Variants in STAB1 observed in about 807,000 individuals in gnomAD.
STAB1 encodes stabilin-1.
A neutral mutation model predicts 332.4 loss-of-function variants in STAB1; 250 were observed. The ratio of observed to expected loss-of-function variants is 0.75; its 90% CI spans 0.68 to 0.84. The LOEUF is 0.84. Ranked by LOEUF, STAB1 falls within the 40% of genes least tolerant of loss-of-function variation. The pLI, the probability that STAB1 is intolerant of heterozygous loss-of-function variation, is 0.00. For synonymous variants in STAB1, 1,475 were observed against 1,390.4 expected (o/e 1.06, Z -1.35); for missense variants, 3,249 against 3,489.7 (o/e 0.93, Z 1.74).
rs1297200660 is a variant in STAB1, at chr3:52,509,201, A to G, written c.2236-9A>G. The G allele has an allele frequency of 6.2e-7, 1 of 1,612,002 alleles. No homozygotes were observed. Among genetic ancestry groups the G allele is most frequent in the Admixed American group, 1.7e-5 (1 of 59,832 alleles). ...CCATGACTGATCCTGCCTTCTGCTC[A>G]CTCTCTAGTGCAGTGATGGGATCCA... On this transcript the variant is annotated splice_polypyrimidine_tract_variant and intron_variant, in intron 21 of 68. Coordinates refer to ENST00000321725, the MANE Select transcript of STAB1 (RefSeq NM_015136.3).
rs1425444540 is a variant in STAB1, at chr3:52,512,919, C to A, written c.3119C>A (p.Ala1040Asp). The change falls in exon 29 of 69, where the codon GCT becomes GAT. Residue 1040 changes from alanine (A) to aspartate (D), a missense_variant. Ala to Asp is a moderately radical substitution (Grantham distance 126). Coordinates refer to ENST00000321725, the MANE Select transcript of STAB1 (RefSeq NM_015136.3). ...CGTCAGCTGAGCCCCGAGGACCGAG[C>A]TTTCTGGCTGCAGCCAAGGACGCTG... ...AVRQLSPEDR[A>D]FWLQPRTLPN... The A allele has an allele frequency of 6.2e-6, 10 of 1,611,998 alleles. No individual in the cohort carries two copies. In the South Asian group the frequency reaches 9.9e-5, roughly 16 times the overall value.
intron 45 of STAB1, 125 bp from the exon 46 acceptor site, chr3:52,518,187 T>C (rs1296082190): frequency 6.6e-7 from 1 of 1,515,730 alleles, no homozygotes; most frequent in Admixed American, 1.9e-5. Context: ...TGACCCCAAC[T>C]CAGACCCCGC....
chr3:52,509,501 G>A (rs1373880478), intron 22 of STAB1, 180 bp downstream of exon 22: 1 of 607,438 alleles, frequency 1.6e-6, no homozygotes, highest in Admixed American at 3.1e-5. Context: ...CGAAGCCCCA[G>A]GAGGAGGGAC....
At chr3:52,509,378 G>A in intron 22 of STAB1, 57 bp downstream of exon 22, 6 of 1,482,092 alleles carry the variant, frequency 4.0e-6, no homozygotes, top group South Asian at 2.4e-5. Context: ...GCCTAAAGAT[G>A]GGTCTGGGGG....
In STAB1 at chr3:52,522,450, A is replaced by G. The variant is rs2153234228; in HGVS notation, c.6586A>G (p.Met2196Val). 8 of 1,613,136 alleles carry G rather than the reference A, an allele frequency of 5.0e-6. No homozygotes were observed. Among genetic ancestry groups the G allele is most frequent in the Non-Finnish European group, 6.8e-6 (8 of 1,180,010 alleles). Residue 2196 changes from methionine (M) to valine (V), a missense_variant, in exon 60 of 69, where the codon ATG becomes GTG. Coordinates refer to ENST00000321725, the MANE Select transcript of STAB1 (RefSeq NM_015136.3). ...GQPPPCHSDA[M>V]CTDLHFQEKR... Reference sequence around the variant, plus strand: ...GCCACCGCCCTGCCACTCAGATGCCATGTGCACTGACCTGCACTTCCAGGG... The same window carrying G: ...GCCACCGCCCTGCCACTCAGATGCCGTGTGCACTGACCTGCACTTCCAGGG...
intron 20 of STAB1, 26 bp downstream of exon 20, chr3:52,508,052 C>A: frequency 6.2e-7 from 1 of 1,604,386 alleles, no homozygotes; most frequent in South Asian, 1.1e-5. Flanking sequence ...GGTGCCCACT[C>A]CCAGGTCACC....
rs375621926 is a variant in STAB1 at position 52,513,928 on chromosome 3, C to T, written c.3394C>T (p.Leu1132=). The T allele has an allele frequency of 3.7e-6, 6 of 1,605,688 alleles. No individual in the cohort carries two copies. The African/African-American group carries it at 8.0e-5, about 21-fold the overall frequency. Residue 1132 remains leucine (L), a synonymous_variant, in exon 32 of 69, where the codon CTG becomes TTG. Coordinates refer to ENST00000321725, the MANE Select transcript of STAB1 (RefSeq NM_015136.3). The part of the protein sequence containing the change: ...RGDVPGGQGL[L]QQLDLVPAFS... The stretch of plus-strand genomic sequence containing the variant: ...GGATGTGCCCGGTGGGCAGGGGTTG[C>T]TGCAGCAGCTGGACTTGGTGCCTGC...
At chr3:52,521,113 G>C in intron 55 of STAB1, 108 bp downstream of exon 55, 1 of 1,349,772 alleles carries the variant, frequency 7.4e-7, no homozygotes, top group Non-Finnish European at 9.9e-7. Flanking sequence ...GGGCTGGGGA[G>C]CTCTGGGTGG....
At chr3:52,497,908 G>A (rs1708162955) in intron 1 of STAB1, among the ~76,000 whole-genome samples, 1 of 152,168 alleles carries the variant, frequency 6.6e-6, no homozygotes, top group African/African-American at 2.4e-5. Context: ...GGGCAGCGAG[G>A]CAGGAAGGCT....
intron 21 of STAB1, 32 bp downstream of exon 21, chr3:52,508,391 G>A (rs1305326810): frequency 1.2e-6 from 2 of 1,608,892 alleles, no homozygotes; most frequent in South Asian, 2.2e-5. Flanking sequence ...GGTGAGGTAT[G>A]GGGAACACAA....
intron 1 of STAB1, among the ~76,000 whole-genome samples, chr3:52,500,080 A>G (rs1708333820): frequency 6.6e-6 from 1 of 151,958 alleles, no homozygotes; most frequent in Admixed American, 6.6e-5. Context: ...CTCAAAGACA[A>G]AAAACCATAA....
Position 52,501,665 on chromosome 3 carries a change from G to A in STAB1, c.243G>A (p.Met81Ile). The A allele has an allele frequency of 6.4e-7, 1 of 1,573,766 alleles. No homozygotes were observed. The highest frequency in any genetic ancestry group is 8.6e-7 in the Non-Finnish European group (1 of 1,160,452). ...ACGAAGTACAGCTGGGGGGCTCTAT[G>A]GTGTCCATGAGCGGCTGCAGACGGA... is the stretch of plus-strand genomic sequence containing the variant. ...CRYEVQLGGS[M>I]VSMSGCRRKC... Residue 81 changes from methionine to isoleucine, a missense_variant, in exon 3 of 69, where the codon ATG becomes ATA. By Grantham distance (10) the Met-to-Ile change is conservative (BLOSUM62 1). Transcript: ENST00000321725.
intron 18 of STAB1, 68 bp downstream of exon 18, chr3:52,506,918 T>A (rs1299601141): frequency 2.5e-6 from 4 of 1,576,158 alleles, no homozygotes; most frequent in Non-Finnish European, 2.6e-6. Flanking sequence ...GGCAATCCTC[T>A]TCCCAGGGAG....
chr3:52,519,529 G>C lies in STAB1; in HGVS notation c.5200G>C (p.Gly1734Arg), dbSNP rs200619129. The C allele has an allele frequency of 4.3e-6, 7 of 1,613,204 alleles. No homozygotes were observed. In the African/African-American group the frequency reaches 8.0e-5, roughly 18 times the overall value. ...PRRNVTAAAQGFGYKIFSGLL... is the reference protein window; with the variant it reads ...PRRNVTAAAQRFGYKIFSGLL... ...GAGAAATGTCACCGCCGCCGCCCAG[G>C]GCTTCGGTTACAAGATCTTCAGCGG... is the stretch of plus-strand genomic sequence containing the variant. Residue 1734 changes from glycine (G) to arginine (R), a missense_variant, in exon 50 of 69, where the codon GGC becomes CGC. Physicochemically the swap from Gly to Arg is moderately radical, Grantham distance 125. Transcript: ENST00000321725.
At chr3:52,497,742 C>T (rs1708150859) in intron 1 of STAB1, among the ~76,000 whole-genome samples, 1 of 152,176 alleles carries the variant, frequency 6.6e-6, no homozygotes, top group Non-Finnish European at 1.5e-5. Flanking sequence ...GGGACTTGAG[C>T]ATCCACAGAT....
At position 52,514,090 on chromosome 3, in the gene STAB1, T is replaced by C. The variant is rs780774555; in HGVS notation, c.3448-25T>C. 2.5e-6 allele frequency: 4 copies of C among 1,611,688 alleles called. No homozygotes were observed. In the East Asian group the frequency reaches 8.9e-5, roughly 36 times the overall value. On this transcript the variant is annotated intron_variant, in intron 32 of 68. Coordinates refer to ENST00000321725, the MANE Select transcript of STAB1 (RefSeq NM_015136.3). ...TCAGGACTGACAACTAATATGCCCA[T>C]CCCTGACCTCCACCCCATCCCTAGC... is the stretch of plus-strand genomic sequence containing the variant.
chr3:52,504,045 G>A lies in STAB1; in HGVS notation c.1040G>A (p.Ser347Asn). ...DGKTSCVCRESEVGDGRACYG... is the reference protein window; with the variant it reads ...DGKTSCVCRENEVGDGRACYG... Reference sequence around the variant, plus strand: ...GAGCCCAGCTGTGTGTGCAGGGAAAGCGAGGTGGGGGATGGGCGTGCCTGC... The same window carrying A: ...GAGCCCAGCTGTGTGTGCAGGGAAAACGAGGTGGGGGATGGGCGTGCCTGC... Residue 347 changes from serine (S) to asparagine (N), a missense_variant, in exon 10 of 69, where the codon AGC becomes AAC. Coordinates refer to ENST00000321725, the MANE Select transcript of STAB1 (RefSeq NM_015136.3). 6.3e-7 allele frequency: 1 copy of A among 1,596,880 alleles called. No homozygotes were observed.
At chr3:52,508,137 C>A in intron 20 of STAB1, 111 bp downstream of exon 20, 1 of 1,368,558 alleles carries the variant, frequency 7.3e-7, no homozygotes, top group Non-Finnish European at 1.0e-6. Context: ...TGCACTGCAG[C>A]CTGACGGTGG....
At chr3:52,517,517 C>G in intron 43 of STAB1, 33 bp from the exon 44 acceptor site, 1 of 1,607,630 alleles carries the variant, frequency 6.2e-7, no homozygotes, top group South Asian at 1.1e-5. Flanking sequence ...GCTGTTGGCT[C>G]CCAGCAGCCC....
Sources: allele counts gnomAD v4.1 joint callset (sites outside exome capture counted in the v4.1 genomes callset), GRCh38; gene constraint gnomAD v4.1.1; transcripts MANE v1.5; gene names NCBI Gene and HGNC (gene_info 2026-07-23, HGNC 2026-07-21).